The following ADAMTSL1 variants were observed in gnomAD, a reference collection of about 807,000 sequenced individuals.
ADAMTSL1 encodes ADAMTS like 1.
A neutral mutation model predicts 201.8 loss-of-function variants in ADAMTSL1; 126 were observed. The observed-to-expected ratio is 0.62, with a 90% CI of 0.54 to 0.72. The LOEUF (loss-of-function observed/expected upper bound fraction) is 0.72, where lower values mean the gene tolerates loss of function less well. Ranked by LOEUF, ADAMTSL1 falls within the 30% of genes least tolerant of loss-of-function variation. The pLI, the probability that ADAMTSL1 is intolerant of heterozygous loss-of-function variation, is 0.00. For missense variants in ADAMTSL1, 2,679 were observed against 2,277.8 expected (o/e 1.18, Z -3.59); for synonymous variants, 1,121 against 903.4 (o/e 1.24, Z -4.32).
intron 18 of ADAMTSL1, among the ~76,000 whole-genome samples, chr9:18,776,508 G>A (rs549686972): frequency 6.6e-6 from 1 of 152,334 alleles, no homozygotes; most frequent in African/African-American, 2.4e-5. Flanking sequence ...ACATTGGGTT[G>A]CCCACTGCAT....
chr9:18,593,113 C>T (rs147129409), intron 4 of ADAMTSL1, among the ~76,000 whole-genome samples: 2 of 152,014 alleles, frequency 1.3e-5, no homozygotes, highest in Non-Finnish European at 2.9e-5. Context: ...TAATAGTTTT[C>T]TTGTGGGTCT....
chr9:17,906,990 A>T (rs1825741430), intron 1 of ADAMTSL1: 1 of 152,376 alleles, frequency 6.6e-6, no homozygotes, highest in Non-Finnish European at 1.5e-5. Flanking sequence ...CTACAGCGAA[A>T]AGCGCTACAG....
chr9:18,696,775 A>G (rs79996740), intron 13 of ADAMTSL1, among the ~76,000 whole-genome samples: 8 of 152,264 alleles, frequency 5.3e-5, no homozygotes, highest in African/African-American at 9.6e-5. Flanking sequence ...TCATCTAGAA[A>G]TTGAGATGAA....
At chr9:18,736,204 A>T (rs1298367952) in intron 15 of ADAMTSL1, among the ~76,000 whole-genome samples, 1 of 152,196 alleles carries the variant, frequency 6.6e-6, no homozygotes, top group Non-Finnish European at 1.5e-5. Flanking sequence ...CTCCCTCACA[A>T]GATGCGCCCC....
At chr9:18,467,874 T>C (rs1821065475) in intron 2 of ADAMTSL1, among the ~76,000 whole-genome samples, 1 of 152,210 alleles carries the variant, frequency 6.6e-6, no homozygotes, top group Admixed American at 6.5e-5. Flanking sequence ...AATCCCACTC[T>C]CTGTATATTG....
chr9:18,646,893 G>T (rs1342134250), intron 7 of ADAMTSL1, among the ~76,000 whole-genome samples: 2 of 152,006 alleles, frequency 1.3e-5, no homozygotes, highest in African/African-American at 4.8e-5. Flanking sequence ...TCAGGATGAT[G>T]CAGGCCTCAT....
intron 4 of ADAMTSL1, among the ~76,000 whole-genome samples, chr9:18,576,008 A>T (rs1207727654): frequency 6.6e-6 from 1 of 152,198 alleles, no homozygotes; most frequent in Non-Finnish European, 1.5e-5. Context: ...TCAGTTGCTA[A>T]GGAATAAATT....
intron 1 of ADAMTSL1, among the ~76,000 whole-genome samples, chr9:18,008,481 A>G (rs1819920937): frequency 6.6e-6 from 1 of 151,944 alleles, no homozygotes; most frequent in African/African-American, 2.4e-5. Context: ...GACAGGCTTT[A>G]CATTTTGCTT....
At chr9:18,472,809 G>A (rs943591440), upstream of ADAMTSL1, among the ~76,000 whole-genome samples, 5 of 152,346 alleles carry the variant, frequency 3.3e-5, no homozygotes, top group South Asian at 8.3e-4. Flanking sequence ...TCTGAAAAGG[G>A]AAAACGTCCT....
chr9:18,813,222 C>T (rs894412493), intron 20 of ADAMTSL1, among the ~76,000 whole-genome samples: 6 of 152,172 alleles, frequency 3.9e-5, no homozygotes, highest in African/African-American at 1.4e-4. Context: ...CCTCAGCCTC[C>T]CAAAGTGCTG....
upstream of ADAMTSL1, among the ~76,000 whole-genome samples, chr9:18,473,649 A>C (rs1007147189): frequency 2.6e-5 from 4 of 152,212 alleles, no homozygotes; most frequent in Non-Finnish European, 5.9e-5. Flanking sequence ...ACACATTTAC[A>C]GGGCACATTA....
intron 1 of ADAMTSL1, among the ~76,000 whole-genome samples, chr9:18,048,357 G>T (rs1821765982): frequency 6.6e-6 from 1 of 152,100 alleles, no homozygotes; most frequent in Admixed American, 6.5e-5. Flanking sequence ...TGAAATTCCA[G>T]TTGGTTTTAT....
At chr9:18,688,689 A>AAAAAATATATATATATAT (rs1554730404) in intron 13 of ADAMTSL1, among the ~76,000 whole-genome samples, 4 of 8,624 alleles carry the variant, frequency 4.6e-4, no homozygotes, top group Non-Finnish European at 6.7e-4. Context: ...AAAAAAAAAA[A>AAAAAATATATATATATAT]ATATATATAT....
At chr9:18,298,484 C>G (rs939517878) in intron 2 of ADAMTSL1, among the ~76,000 whole-genome samples, 1 of 152,144 alleles carries the variant, frequency 6.6e-6, no homozygotes, top group Non-Finnish European at 1.5e-5. Context: ...AACATAATCT[C>G]TGGTCCAGAC....
At chr9:18,530,745 A>G (rs1819392042) in intron 2 of ADAMTSL1, among the ~76,000 whole-genome samples, 2 of 152,196 alleles carry the variant, frequency 1.3e-5, no homozygotes. Flanking sequence ...GTGATTCACA[A>G]ATACTAACTC....
chr9:18,511,852 T>A (rs931247516), intron 2 of ADAMTSL1, among the ~76,000 whole-genome samples: 1 of 152,224 alleles, frequency 6.6e-6, no homozygotes, highest in Non-Finnish European at 1.5e-5. Context: ...TGTTTGTTTT[T>A]TTCTCTAAAA....
At chr9:18,879,703 G>A (rs576948414) in intron 23 of ADAMTSL1, among the ~76,000 whole-genome samples, 1 of 152,324 alleles carries the variant, frequency 6.6e-6, no homozygotes, top group Non-Finnish European at 1.5e-5. Flanking sequence ...TCTTTTTGCT[G>A]GTGGAGGGTC....
intron 1 of ADAMTSL1, among the ~76,000 whole-genome samples, chr9:17,929,016 T>C (rs946991150): frequency 6.6e-6 from 1 of 152,114 alleles, no homozygotes; most frequent in African/African-American, 2.4e-5. Flanking sequence ...TGTGTGTGTG[T>C]ATGCTGTGTT....
chr9:18,326,220 A>G (rs1191494216), intron 2 of ADAMTSL1, among the ~76,000 whole-genome samples: 1 of 152,218 alleles, frequency 6.6e-6, no homozygotes, highest in African/African-American at 2.4e-5. Flanking sequence ...GATGTACTAT[A>G]ATAAGGCAAA....
Sources: allele counts gnomAD v4.1 joint callset (sites outside exome capture counted in the v4.1 genomes callset), GRCh38; gene constraint gnomAD v4.1.1; transcripts MANE v1.5; gene names NCBI Gene and HGNC (gene_info 2026-07-23, HGNC 2026-07-21).